The following PBX4 variants were observed in gnomAD, a reference collection of about 807,000 sequenced individuals.
PBX4 encodes the protein PBX homeobox 4.
Under a neutral mutation model 35.1 loss-of-function variants are expected in PBX4, and 26 were observed. That is an observed-to-expected ratio of 0.74 (90% CI 0.54 to 1.03). The LOEUF (loss-of-function observed/expected upper bound fraction) is 1.03, where lower values mean the gene tolerates loss of function less well. PBX4 is among the 50% of genes least tolerant of loss of function. The probability of loss-of-function intolerance (pLI) is 0.00; values close to 1 mark genes in which losing one functional copy is unlikely to be tolerated. For synonymous variants in PBX4, 199 were observed against 204.2 expected (o/e 0.97, Z 0.22); for missense variants, 448 against 504.3 (o/e 0.89, Z 1.07).
chr19:19,585,092 C>T (rs562750182), intron 2 of PBX4, among the ~76,000 whole-genome samples: 11 of 152,168 alleles, frequency 7.2e-5, no homozygotes, highest in South Asian at 6.2e-4. Context: ...CTAGGACAGG[C>T]GCTAGAACAG....
intron 1 of PBX4, among the ~76,000 whole-genome samples, chr19:19,616,987 C>G (rs1364119230): frequency 6.6e-6 from 1 of 151,862 alleles, no homozygotes; most frequent in East Asian, 1.9e-4. Flanking sequence ...TGGCCCCAGC[C>G]TTCCTTTAAA....
chr19:19,605,840 ATTTTTTTTTTTTT>A, intron 1 of PBX4, among the ~76,000 whole-genome samples: 1 of 123,056 alleles, frequency 8.1e-6, no homozygotes, highest in South Asian at 2.7e-4. Context: ...AGGCTCTAGG[ATTTTTTTTTTTTT>A]TTTTTTTTTT....
Position 19,561,988 on chromosome 19 carries a change from A to T in PBX4, c.*37T>A. On this transcript the variant is annotated 3_prime_UTR_variant, in exon 8 of 8. Transcript: ENST00000251203. ...AAAGCAACGGCTGGCGATACATGGC[A>T]GCTCACGCAGCGCTCTTTCCTGCTT... 3.2e-6 allele frequency: 5 copies of T among 1,550,742 alleles called. No homozygotes were observed. The highest frequency in any genetic ancestry group is 4.4e-6 in the Non-Finnish European group (5 of 1,131,752).
intron 2 of PBX4, among the ~76,000 whole-genome samples, chr19:19,574,107 G>A (rs1270925017): frequency 1.3e-5 from 2 of 151,712 alleles, no homozygotes; most frequent in African/African-American, 4.8e-5. Context: ...GAACTCCTGA[G>A]CTCAAGCGAT....
intron 2 of PBX4, among the ~76,000 whole-genome samples, chr19:19,578,187 CAAAA>C (rs34045847): frequency 1.2e-5 from 1 of 80,412 alleles, no homozygotes; most frequent in Non-Finnish European, 2.9e-5. Context: ...GACTCCATCT[CAAAA>C]AAAAAAAAAA....
Position 19,570,801 on chromosome 19 carries a change from G to C in PBX4, c.226C>G (p.Pro76Ala). 4 of 1,614,106 alleles carry C rather than the reference G, an allele frequency of 2.5e-6. No individual in the cohort carries two copies. The highest frequency in any genetic ancestry group is 2.2e-5 in the South Asian group (2 of 91,078). ...AGCCTCAGGAGCTGGGCGTCAGGGG[G>C]ATCTTCGTCTTGAATGCCACGGATG... ...VSIRGIQDEDPPDAQLLRLDN... is the reference protein window; with the variant it reads ...VSIRGIQDEDAPDAQLLRLDN... Residue 76 changes from proline (P) to alanine (A), a missense_variant, in exon 3 of 8, where the codon CCC (proline) becomes GCC (alanine). By Grantham distance (27) the Pro-to-Ala change is conservative. Transcript: ENST00000251203.
chr19:19,570,993 G>C (rs2061379538), intron 2 of PBX4, 160 bp from the exon 3 acceptor site: 1 of 913,058 alleles, frequency 1.1e-6, no homozygotes, highest in African/African-American at 1.7e-5. Context: ...GATGGACACT[G>C]AGCACCCCGC....
intron 1 of PBX4, among the ~76,000 whole-genome samples, chr19:19,613,215 CA>C (rs1485829378): frequency 6.6e-6 from 1 of 150,876 alleles, no homozygotes; most frequent in East Asian, 2.0e-4. Context: ...CCTGTAATCC[CA>C]GCACTTTGGG....
rs960646349 is a variant in PBX4 at position 19,563,430 on chromosome 19, C to T, written c.1032+79G>A. 13 of 1,203,110 alleles carry T rather than the reference C, an allele frequency of 1.1e-5. No homozygotes were observed. Among genetic ancestry groups the T allele is most frequent in the African/African-American group, 1.5e-5 (1 of 65,084 alleles). 74.5% of individuals were successfully genotyped at this position (1,203,110 alleles called of 1,614,324 possible). A position where few individuals can be genotyped will look rare whatever the true frequency, so the allele number is the denominator to read the frequency against. ...ACCTCTGGGGAAGCTGCCCCAAGGC[C>T]GAGGGGTGGCTGACAAGACGACCCT... On this transcript the variant is annotated intron_variant, in intron 7 of 7. Transcript: ENST00000251203. The surrounding 1 kb of genome is among the most constrained non-coding windows in gnomAD (Gnocchi z 5.1).
intron 1 of PBX4, among the ~76,000 whole-genome samples, chr19:19,607,196 G>C (rs1055414710): frequency 2.6e-5 from 4 of 152,020 alleles, no homozygotes; most frequent in African/African-American, 9.7e-5. Flanking sequence ...TGGGATTACA[G>C]GTATACGCCA....
At chr19:19,599,389 G>A (rs771519492) in intron 1 of PBX4, 24 bp from the exon 2 acceptor site, 2 of 1,595,256 alleles carry the variant, frequency 1.3e-6, no homozygotes, top group African/African-American at 1.3e-5. Flanking sequence ...GACAGAGGAG[G>A]GTGTGAGAAA....
Position 19,562,927 on chromosome 19 carries a change from C to T in PBX4, c.1032+582G>A, listed in dbSNP as rs2061317093. Reference sequence around the variant, plus strand: ...CCAGGACCAGGTGGGACCCCACAGACAGCACAGGAGGCATCCGTTCTCTGA... The same window carrying T: ...CCAGGACCAGGTGGGACCCCACAGATAGCACAGGAGGCATCCGTTCTCTGA... On this transcript the variant is annotated intron_variant, in intron 7 of 7. Coordinates refer to ENST00000251203, the MANE Select transcript of PBX4 (RefSeq NM_025245.3). The surrounding 1 kb of genome is among the most constrained non-coding windows in gnomAD (Gnocchi z 4.8). 6.6e-6 allele frequency among the ~76,000 whole-genome samples: 1 copy of T among 152,194 alleles called. No homozygotes were observed. The highest frequency in any genetic ancestry group is 2.1e-4 in the South Asian group (1 of 4,832).
intron 3 of PBX4, 139 bp from the exon 4 acceptor site, chr19:19,570,438 G>T: frequency 7.0e-7 from 1 of 1,432,116 alleles, no homozygotes; most frequent in Non-Finnish European, 9.4e-7. Flanking sequence ...AATGGAAAGG[G>T]CTTTCAGTAA....
chr19:19,570,043 C>A lies in PBX4; in HGVS notation c.632+66G>T, dbSNP rs551393625. The stretch of plus-strand genomic sequence containing the variant: ...CTCCAGGGCTGTCTTCAACCCAAGC[C>A]AGCACTATTTCCCTCCAGTCCCTCA... On this transcript the variant is annotated intron_variant, in intron 4 of 7. Transcript: ENST00000251203. The A allele has an allele frequency of 2.5e-5, 38 of 1,497,710 alleles. 1 individual carries two copies. The East Asian group carries it at 8.9e-4, about 35-fold the overall frequency. The allele number at this position is 1,497,710 out of a possible 1,614,324, so 92.8% of individuals were successfully genotyped here.
intron 2 of PBX4, among the ~76,000 whole-genome samples, chr19:19,598,084 G>A (rs2061571412): frequency 6.6e-6 from 1 of 152,128 alleles, no homozygotes; most frequent in African/African-American, 2.4e-5. Context: ...TAAATACAAC[G>A]TGGGATTCAG....
intron 2 of PBX4, among the ~76,000 whole-genome samples, chr19:19,594,298 G>C (rs958304508): frequency 6.6e-6 from 1 of 151,556 alleles, no homozygotes; most frequent in African/African-American, 2.4e-5. Flanking sequence ...CCAACTACTC[G>C]GGAGGCTGAG....
At chr19:19,613,133 G>A (rs2061671348) in intron 1 of PBX4, among the ~76,000 whole-genome samples, 1 of 150,618 alleles carries the variant, frequency 6.6e-6, no homozygotes, top group African/African-American at 2.4e-5. Context: ...TAATTTCTTA[G>A]CCTTAAAACA....
intron 2 of PBX4, among the ~76,000 whole-genome samples, chr19:19,589,165 A>G (rs2061509896): frequency 6.6e-6 from 1 of 152,152 alleles, no homozygotes; most frequent in South Asian, 2.1e-4. Flanking sequence ...GCGGTGGCTC[A>G]CACCTATAGT....
intron 1 of PBX4, among the ~76,000 whole-genome samples, chr19:19,607,548 A>G (rs1427413879): frequency 6.6e-6 from 1 of 152,256 alleles, no homozygotes; most frequent in Admixed American, 6.5e-5. Flanking sequence ...AGAGTCATAT[A>G]GAAAATGCCA....
Sources: gnomAD v4.1 joint callset for allele counts (sites outside exome capture counted in the v4.1 genomes callset) on GRCh38, gnomAD v4.1.1 for gene constraint, Gnocchi (gnomAD v3.1) non-coding constraint, MANE v1.5 for transcripts, NCBI Gene and HGNC (gene_info 2026-07-23, HGNC 2026-07-21) for gene names.